Variants in UBR3 observed in about 807,000 individuals in gnomAD.
UBR3 encodes E3 ubiquitin-protein ligase UBR3.
Under a neutral mutation model 243.2 loss-of-function variants are expected in UBR3, and 85 were observed. That is an observed-to-expected ratio of 0.35 (90% CI 0.29 to 0.42). The LOEUF (loss-of-function observed/expected upper bound fraction) is 0.42. Among genes scored for constraint, UBR3 ranks in the 10% least tolerant of loss-of-function variants. The probability of loss-of-function intolerance (pLI) is 1.00; values close to 1 mark genes in which losing one functional copy is unlikely to be tolerated. For synonymous variants in UBR3, 748 were observed against 799.8 expected, an observed-to-expected ratio of 0.94 and a Z score of 1.09; for missense variants, 1,686 against 2,300.8, an observed-to-expected ratio of 0.73 and a Z score of 5.47.
intron 1 of UBR3, among the ~76,000 whole-genome samples, chr2:169,853,228 T>C (rs1401768098): frequency 6.6e-6 from 1 of 152,206 alleles, no homozygotes; most frequent in Non-Finnish European, 1.5e-5. Flanking sequence ...ATAGAGTTCA[T>C]GGAGAAGAGC....
At chr2:170,030,355 G>C (rs2105423125) in intron 31 of UBR3, among the ~76,000 whole-genome samples, 1 of 152,216 alleles carries the variant, frequency 6.6e-6, no homozygotes, top group Middle Eastern at 3.4e-3. Flanking sequence ...CTGGGTGCTA[G>C]AGGGCATACA....
chr2:169,881,911 G>GTGTACATGTATACA (rs1559053639), intron 5 of UBR3, among the ~76,000 whole-genome samples: 2 of 44,706 alleles, frequency 4.5e-5, no homozygotes, highest in African/African-American at 8.9e-5. Context: ...ATAGGTATAT[G>GTGTACATGTATACA]TATATGTATA....
chr2:169,969,305 A>G (rs2087976010), intron 24 of UBR3, among the ~76,000 whole-genome samples: 1 of 152,166 alleles, frequency 6.6e-6, no homozygotes, highest in Admixed American at 6.6e-5. Flanking sequence ...GGTTTCTTCT[A>G]GTAATTTCAT....
chr2:169,950,407 T>A lies in UBR3; in HGVS notation c.3545+342T>A, dbSNP rs371958963. Among the ~76,000 whole-genome samples, 17 of 152,232 alleles carry A rather than the reference T, an allele frequency of 1.1e-4. No individual in the cohort carries two copies. In the East Asian group the frequency reaches 2.7e-3, roughly 24 times the overall value. On this transcript the variant is annotated intron_variant, in intron 23 of 38. Coordinates refer to ENST00000272793, the MANE Select transcript of UBR3 (RefSeq NM_172070.4). Reference sequence around the variant, plus strand: ...GCTTTAAATGAGAATATTAAAAATATTTAAAATATTTCTCAAAATAAAAAT... The same window carrying A: ...GCTTTAAATGAGAATATTAAAAATAATTAAAATATTTCTCAAAATAAAAAT...
intron 2 of UBR3, among the ~76,000 whole-genome samples, chr2:169,873,757 G>A (rs1268035467): frequency 2.6e-5 from 4 of 152,136 alleles, no homozygotes; most frequent in African/African-American, 7.2e-5. Context: ...TCAAATTACT[G>A]TCTCTTCGGA....
At chr2:169,922,063 G>C (rs7419492) in intron 11 of UBR3, among the ~76,000 whole-genome samples, 1 of 152,052 alleles carries the variant, frequency 6.6e-6, no homozygotes, top group Non-Finnish European at 1.5e-5. Context: ...GAGGCGGGCA[G>C]ATTGCATGAG....
intron 20 of UBR3, among the ~76,000 whole-genome samples, chr2:169,943,096 C>G (rs978086417): frequency 3.3e-5 from 5 of 152,104 alleles, no homozygotes; most frequent in Admixed American, 2.6e-4. Flanking sequence ...GTGGCAAGAT[C>G]AAAAATTGTT....
intron 8 of UBR3, among the ~76,000 whole-genome samples, chr2:169,904,613 A>G (rs1464816186): frequency 6.6e-6 from 1 of 151,962 alleles, no homozygotes; most frequent in Non-Finnish European, 1.5e-5. Flanking sequence ...TATCTTTGAA[A>G]TATTGTTTGC....
At chr2:169,915,879 G>A (rs1172806924) in intron 11 of UBR3, among the ~76,000 whole-genome samples, 2 of 152,182 alleles carry the variant, frequency 1.3e-5, no homozygotes, top group East Asian at 1.9e-4. Flanking sequence ...ACTATTTGAT[G>A]CTCAGATTAT....
intron 5 of UBR3, among the ~76,000 whole-genome samples, chr2:169,890,489 C>T (rs1263198323): frequency 7.1e-6 from 1 of 141,454 alleles, no homozygotes; most frequent in African/African-American, 2.7e-5. Context: ...TTTTTTTCCC[C>T]ATAAGCCTTG....
intron 5 of UBR3, among the ~76,000 whole-genome samples, chr2:169,883,723 AT>A (rs987548396): frequency 6.6e-6 from 1 of 152,248 alleles, no homozygotes; most frequent in African/African-American, 2.4e-5. Context: ...AAGTAATGCC[AT>A]TTTAGCCAGT....
intron 1 of UBR3, among the ~76,000 whole-genome samples, chr2:169,845,534 T>TCGTCG (rs1559012465): frequency 2.4e-5 from 3 of 122,586 alleles, no homozygotes; most frequent in East Asian, 2.2e-4. Context: ...CGTCGTCGTC[T>TCGTCG]TCTTCTTCTT....
chr2:169,838,753 C>T (rs1350266888), intron 1 of UBR3, among the ~76,000 whole-genome samples: 1 of 152,146 alleles, frequency 6.6e-6, no homozygotes, highest in Admixed American at 6.5e-5. Flanking sequence ...GTTCTAGCAC[C>T]AGCTCAAAAG....
chr2:170,056,481 ATAGAGT>A (rs2091339263), intron 33 of UBR3, among the ~76,000 whole-genome samples: 1 of 152,224 alleles, frequency 6.6e-6, no homozygotes, highest in Non-Finnish European at 1.5e-5. Context: ...ATGAGATACT[ATAGAGT>A]TATAGAACCG....
At position 169,944,892 on chromosome 2, in the gene UBR3, T is replaced by C. The variant is rs574717638; in HGVS notation, c.2806-1396T>C. On this transcript the variant is annotated intron_variant, in intron 20 of 38. Coordinates refer to ENST00000272793, the MANE Select transcript of UBR3 (RefSeq NM_172070.4). ...GTGTTCTAGTGTTGCTTACACTAGC[T>C]AGCTGGTTGTGTGGCTGAGCCTTGG... is the stretch of plus-strand genomic sequence containing the variant. Among the ~76,000 whole-genome samples the C allele has an allele frequency of 1.4e-3, 216 of 152,278 alleles. 3 individuals are homozygous for C. The highest frequency in any genetic ancestry group is 1.4e-3 in the Admixed American group (21 of 15,294).
chr2:169,950,132 T>G, intron 23 of UBR3, 67 bp downstream of exon 23: 1 of 1,419,444 alleles, frequency 7.0e-7, no homozygotes, highest in Non-Finnish European at 9.5e-7. Flanking sequence ...TTCCTTTTGG[T>G]CATTTGAGGA....
rs1417279298 is a variant in UBR3 at position 169,905,265 on chromosome 2, A to G, written c.1617A>G (p.Thr539=). The change falls in exon 9 of 39, where the codon ACA becomes ACG. Residue 539 remains threonine, a synonymous_variant. Coordinates refer to ENST00000272793, the MANE Select transcript of UBR3 (RefSeq NM_172070.4). ...TGGAGGATCACGGTTTGTTAGTTAC[A>G]TGGATGAACTTTGTATCTTTCTTTC... ...RFLEDHGLLV[T]WMNFVSFFQG... 1.3e-6 allele frequency: 2 copies of G among 1,539,668 alleles called. No homozygotes were observed. The highest frequency in any genetic ancestry group is 4.1e-5 in the Admixed American group (2 of 48,786).
chr2:170,074,022 A>T (rs553136847), intron 36 of UBR3, among the ~76,000 whole-genome samples: 13 of 152,322 alleles, frequency 8.5e-5, no homozygotes, highest in African/African-American at 3.1e-4. Context: ...CTACCAGCTC[A>T]GCTAGTTAAA....
chr2:170,047,274 T>G (rs907063994), intron 32 of UBR3, among the ~76,000 whole-genome samples: 9 of 152,108 alleles, frequency 5.9e-5, no homozygotes, highest in Non-Finnish European at 1.3e-4. Context: ...CCTCCCAAGG[T>G]GCTGGAATTA....
Sources: allele counts gnomAD v4.1 joint callset (sites outside exome capture counted in the v4.1 genomes callset), GRCh38; gene constraint gnomAD v4.1.1; transcripts MANE v1.5; gene names NCBI Gene and HGNC (gene_info 2026-07-23, HGNC 2026-07-21).